The following CRISPLD2 variants were observed in gnomAD, a reference collection of about 807,000 sequenced individuals.
CRISPLD2 encodes cysteine rich secretory protein LCCL domain containing 2.
Under a neutral mutation model 71.1 loss-of-function variants are expected in CRISPLD2, and 47 were observed. The observed-to-expected ratio is 0.66, with a 90% CI of 0.52 to 0.84. The LOEUF (loss-of-function observed/expected upper bound fraction) is 0.84. CRISPLD2 is among the 40% of genes least tolerant of loss of function. The pLI is 0.00. For missense variants in CRISPLD2, 830 were observed against 651.1 expected, an observed-to-expected ratio of 1.27 and a Z score of -2.99; for synonymous variants, 317 against 250.1, an observed-to-expected ratio of 1.27 and a Z score of -2.52.
chr16:84,895,191 C>G (rs1002464238), intron 14 of CRISPLD2, among the ~76,000 whole-genome samples: 1 of 152,170 alleles, frequency 6.6e-6, no homozygotes, highest in African/African-American at 2.4e-5. Flanking sequence ...AAGGGAAGCA[C>G]AGAGAGGTTA....
intron 14 of CRISPLD2, among the ~76,000 whole-genome samples, chr16:84,902,433 C>A (rs2071763437): frequency 6.6e-6 from 1 of 151,346 alleles, no homozygotes; most frequent in African/African-American, 2.4e-5. Flanking sequence ...CAAGGTGAAA[C>A]CCCGTCTCTA....
chr16:84,887,028 A>C (rs1398072648), intron 13 of CRISPLD2, among the ~76,000 whole-genome samples: 1 of 152,034 alleles, frequency 6.6e-6, no homozygotes, highest in African/African-American at 2.4e-5. Context: ...ACTTCTTTGG[A>C]TGCCTCCTAT....
chr16:84,820,878 G>A (rs1256295955), intron 1 of CRISPLD2, among the ~76,000 whole-genome samples: 1 of 152,230 alleles, frequency 6.6e-6, no homozygotes, highest in East Asian at 1.9e-4. Context: ...ACTCTGGAGT[G>A]TGGGGGAGAT....
At chr16:84,866,792 C>T (rs1917549788) in intron 6 of CRISPLD2, 105 bp from the exon 7 acceptor site, 2 of 1,115,436 alleles carry the variant, frequency 1.8e-6, no homozygotes, top group African/African-American at 1.6e-5. Flanking sequence ...CTTTGTAAAA[C>T]CAAACCTCAA....
chr16:84,888,015 T>G (rs2071628092), intron 13 of CRISPLD2, among the ~76,000 whole-genome samples: 1 of 152,194 alleles, frequency 6.6e-6, no homozygotes, highest in African/African-American at 2.4e-5. Context: ...CCTATTACTG[T>G]TAGAATAAAT....
intron 1 of CRISPLD2, among the ~76,000 whole-genome samples, chr16:84,836,925 G>A (rs539992653): frequency 9.2e-5 from 14 of 152,290 alleles, no homozygotes; most frequent in African/African-American, 2.9e-4. Flanking sequence ...TCCGGCCCTC[G>A]AGGGCCTGGC....
chr16:84,902,765 C>T (rs1470196267), intron 14 of CRISPLD2, among the ~76,000 whole-genome samples: 2 of 139,316 alleles, frequency 1.4e-5, no homozygotes, highest in Non-Finnish European at 3.0e-5. Context: ...GGAAAATCGG[C>T]CCATTGCTTT....
rs1264561859 is a variant in CRISPLD2, at chr16:84,880,491, A to G, written c.1230-18A>G. The G allele has an allele frequency of 6.2e-7, 1 of 1,607,872 alleles. No homozygotes were observed. The highest frequency in any genetic ancestry group is 8.5e-7 in the Non-Finnish European group (1 of 1,176,092). ...TTCTGTGCTCAGACCCATCACATAA[A>G]TGCTTCCTGTTTTTCAGAATCCATT... is the stretch of plus-strand genomic sequence containing the variant. On this transcript the variant is annotated intron_variant, in intron 12 of 14. Coordinates refer to ENST00000262424, the MANE Select transcript of CRISPLD2 (RefSeq NM_031476.4).
chr16:84,889,595 A>AAG (rs201884970), intron 14 of CRISPLD2, among the ~76,000 whole-genome samples: 1 of 151,336 alleles, frequency 6.6e-6, no homozygotes. Flanking sequence ...GAAAAAAAAA[A>AAG]GAACTTTTTT....
At chr16:84,850,364 C>G (rs983864361) in intron 4 of CRISPLD2, among the ~76,000 whole-genome samples, 1 of 152,180 alleles carries the variant, frequency 6.6e-6, no homozygotes, top group Non-Finnish European at 1.5e-5. Flanking sequence ...GCTGAGATGA[C>G]AGGCGTGAGC....
chr16:84,875,798 T>G (rs1377925965), intron 11 of CRISPLD2, among the ~76,000 whole-genome samples: 1 of 150,474 alleles, frequency 6.6e-6, no homozygotes, highest in Non-Finnish European at 1.5e-5. Context: ...ACTCCTGACC[T>G]CAGGTGATCC....
chr16:84,898,599 T>C (rs2071726926), intron 14 of CRISPLD2, among the ~76,000 whole-genome samples: 2 of 152,168 alleles, frequency 1.3e-5, no homozygotes, highest in Admixed American at 1.3e-4. Flanking sequence ...ATCTGTGTCA[T>C]TTCCCCTGAC....
chr16:84,881,256 G>T (rs1274954185), intron 13 of CRISPLD2, among the ~76,000 whole-genome samples: 3 of 152,218 alleles, frequency 2.0e-5, no homozygotes, highest in Non-Finnish European at 2.9e-5. Flanking sequence ...TTTCTTCTCA[G>T]TTATGCACAC....
Position 84,849,128 on chromosome 16 carries a change from C to T in CRISPLD2, c.360-257C>T, listed in dbSNP as rs1360807088. ...AGGATAATGGTATTAAGCACCTGTACCAGGTGCTGCTGGAATTGAGGGTTA... is the reference window on the plus strand; with the variant it reads ...AGGATAATGGTATTAAGCACCTGTATCAGGTGCTGCTGGAATTGAGGGTTA... On this transcript the variant is annotated intron_variant, in intron 3 of 14. Transcript: ENST00000262424. The T allele has an allele frequency of 6.3e-6, 3 of 477,316 alleles. No homozygotes were observed. The Admixed American group carries it at 9.8e-5, about 16-fold the overall frequency. 29.6% of individuals were successfully genotyped at this position (477,316 alleles called of 1,614,324 possible).
intron 8 of CRISPLD2, among the ~76,000 whole-genome samples, chr16:84,871,708 C>T (rs528543315): frequency 6.6e-6 from 1 of 152,092 alleles, no homozygotes; most frequent in Non-Finnish European, 1.5e-5. Flanking sequence ...CCTGCCACCA[C>T]ACGCGGCTAA....
At chr16:84,828,330 T>G (rs1916406140) in intron 1 of CRISPLD2, 2 of 152,086 alleles carry the variant, frequency 1.3e-5, no homozygotes, top group Admixed American at 6.5e-5. Context: ...ATAAACATGA[T>G]CCTGGGTAGT....
At chr16:84,895,204 C>T (rs959069628) in intron 14 of CRISPLD2, among the ~76,000 whole-genome samples, 5 of 152,290 alleles carry the variant, frequency 3.3e-5, no homozygotes, top group East Asian at 1.9e-4. Flanking sequence ...AGAGGTTAAA[C>T]GACTTGCCCA....
chr16:84,869,000 C>G (rs997235638), intron 8 of CRISPLD2, 89 bp downstream of exon 8: 2 of 1,134,372 alleles, frequency 1.8e-6, no homozygotes, highest in African/African-American at 3.2e-5. Context: ...CTATGCTGGG[C>G]TGTCCTGCTG....
rs534220027 is a variant in CRISPLD2 at position 84,856,250 on chromosome 16, A to G, written c.709+1421A>G. ...TCACAGGGCATGGTAATACTAAGAG[A>G]TGCCCTAAGGGAGCTCCTGTATTCC... On this transcript the variant is annotated intron_variant, in intron 6 of 14. Coordinates refer to ENST00000262424, the MANE Select transcript of CRISPLD2 (RefSeq NM_031476.4). Among the ~76,000 whole-genome samples, 6 of 152,284 alleles carry G rather than the reference A, an allele frequency of 3.9e-5. No individual in the cohort carries two copies. In the East Asian group the frequency reaches 1.2e-3, roughly 29 times the overall value.
Sources: allele counts gnomAD v4.1 joint callset (sites outside exome capture counted in the v4.1 genomes callset), GRCh38; gene constraint gnomAD v4.1.1; transcripts MANE v1.5; gene names NCBI Gene and HGNC (gene_info 2026-07-23, HGNC 2026-07-21).